Variants in ABCA1 observed in about 807,000 individuals in gnomAD.
The protein encoded by ABCA1 is ATP binding cassette subfamily A member 1.
A neutral mutation model predicts 262.5 loss-of-function variants in ABCA1; 133 were observed. The ratio of observed to expected loss-of-function variants is 0.51; its 90% CI spans 0.44 to 0.59. The LOEUF (loss-of-function observed/expected upper bound fraction) is 0.59, where lower values mean the gene tolerates loss of function less well. Among genes scored for constraint, ABCA1 ranks in the 20% least tolerant of loss-of-function variants. The pLI is 0.00. For synonymous variants in ABCA1, 1,022 were observed against 1,043.5 expected, an observed-to-expected ratio of 0.98 and a Z score of 0.40; for missense variants, 2,452 against 2,777.5, an observed-to-expected ratio of 0.88 and a Z score of 2.63.
rs905356914 is a variant in ABCA1, at chr9:104,792,862, T to C, written c.5681A>G (p.Asp1894Gly). The change falls in exon 42 of 50, where the codon GAT (aspartate) becomes GGT (glycine). Residue 1894 changes from aspartate (D) to glycine (G), a missense_variant. Asp to Gly is a moderately conservative substitution (Grantham distance 94). Transcript: ENST00000374736. ...AATTCTCTGTCTTTCCCGCCTCACA[T>C]CTTCATCTTCATCATTCAGAGGAGA... ...KLSPLNDEDEDVRRERQRILD... is the reference protein window; with the variant it reads ...KLSPLNDEDEGVRRERQRILD... 6.2e-7 allele frequency: 1 copy of C among 1,614,130 alleles called. No homozygotes were observed. The highest frequency in any genetic ancestry group is 1.7e-5 in the Admixed American group (1 of 60,022).
chr9:104,859,489 C>A (rs1236879795), intron 6 of ABCA1, among the ~76,000 whole-genome samples: 2 of 150,402 alleles, frequency 1.3e-5, no homozygotes, highest in African/African-American at 2.5e-5. Context: ...ATGAACAATG[C>A]AGACTCTTTA....
intron 5 of ABCA1, among the ~76,000 whole-genome samples, chr9:104,882,044 A>AAC (rs925124819): frequency 2.8e-5 from 4 of 144,050 alleles, no homozygotes; most frequent in African/African-American, 1.1e-4. Flanking sequence ...AAAAAAAAAA[A>AAC]AAAAAAAAAA....
intron 1 of ABCA1, among the ~76,000 whole-genome samples, chr9:104,919,017 TC>T (rs1841990243): frequency 6.6e-6 from 1 of 152,142 alleles, no homozygotes; most frequent in Non-Finnish European, 1.5e-5. Flanking sequence ...AGCAGCTCCT[TC>T]CCCCTCCCTG....
intron 8 of ABCA1, among the ~76,000 whole-genome samples, chr9:104,844,107 G>A (rs1406657916): frequency 6.6e-6 from 1 of 151,500 alleles, no homozygotes; most frequent in Non-Finnish European, 1.5e-5. Context: ...AGCCTCCCCT[G>A]TTACAGACCC....
At chr9:104,788,974 G>C (rs80017006) in intron 44 of ABCA1, among the ~76,000 whole-genome samples, 1 of 152,236 alleles carries the variant, frequency 6.6e-6, no homozygotes, top group South Asian at 2.1e-4. Context: ...GAAATTTTGA[G>C]TGTGAGCAAC....
intron 5 of ABCA1, among the ~76,000 whole-genome samples, chr9:104,862,649 C>CAGGGCA (rs1554729347): frequency 8.6e-5 from 1 of 11,694 alleles, no homozygotes; most frequent in Non-Finnish European, 1.8e-4. Flanking sequence ...CGGGCCGGGC[C>CAGGGCA]GGGCCGGGCC....
chr9:104,845,143 G>A (rs1834748871), intron 8 of ABCA1, among the ~76,000 whole-genome samples: 4 of 152,210 alleles, frequency 2.6e-5, no homozygotes, highest in Admixed American at 2.6e-4. Context: ...TTGCTGGTCA[G>A]ACAAAAGCAG....
chr9:104,860,783 GTC>G (rs1348068933), intron 6 of ABCA1, among the ~76,000 whole-genome samples: 2 of 140,382 alleles, frequency 1.4e-5, no homozygotes, highest in East Asian at 4.1e-4. Context: ...TTGAGATGGA[GTC>G]TCACTCTGTC....
chr9:104,898,660 C>T (rs1360805200), intron 2 of ABCA1, among the ~76,000 whole-genome samples: 1 of 152,048 alleles, frequency 6.6e-6, no homozygotes, highest in Non-Finnish European at 1.5e-5. Context: ...TGTCTACTAC[C>T]AACTCATCCC....
At chr9:104,815,641 C>T (rs1489975184) in intron 25 of ABCA1, among the ~76,000 whole-genome samples, 1 of 152,076 alleles carries the variant, frequency 6.6e-6, no homozygotes. Context: ...GCACCTGGCA[C>T]AAGTAGACTA....
At chr9:104,814,068 G>C (rs534826118) in intron 27 of ABCA1, 50 bp downstream of exon 27, 1 of 1,572,854 alleles carries the variant, frequency 6.4e-7, no homozygotes, top group African/African-American at 1.3e-5. Flanking sequence ...GCATGAGAGA[G>C]AATTTCACAT....
chr9:104,878,993 T>A (rs1838386844), intron 5 of ABCA1, among the ~76,000 whole-genome samples: 1 of 151,778 alleles, frequency 6.6e-6, no homozygotes, highest in Admixed American at 6.6e-5. Flanking sequence ...AAGAATCACT[T>A]GAACCCAGGA....
intron 13 of ABCA1, among the ~76,000 whole-genome samples, chr9:104,831,344 A>C (rs1200297893): frequency 7.3e-5 from 11 of 151,700 alleles, no homozygotes; most frequent in Non-Finnish European, 1.3e-4. Flanking sequence ...CAGCCTCCCG[A>C]GTAGCTGGGA....
rs1351512635 is a variant in ABCA1 at position 104,781,923 on chromosome 9, G to A, written c.*2392C>T. ...ATGTAAAAAATTACTATTTTAAAAG[G>A]TAACACAGTATTAATGAAGATGTAT... On this transcript the variant is annotated 3_prime_UTR_variant, in exon 50 of 50. Coordinates refer to ENST00000374736, the MANE Select transcript of ABCA1 (RefSeq NM_005502.4). 1 of 152,060 alleles carries A rather than the reference G, an allele frequency of 6.6e-6. No homozygotes were observed. The highest frequency in any genetic ancestry group is 1.5e-5 in the Non-Finnish European group (1 of 67,948). The allele number at this position is 152,060 out of a possible 1,614,324, so 9.4% of individuals were successfully genotyped here. A position where few individuals can be genotyped will look rare whatever the true frequency, so the allele number is the denominator to read the frequency against.
intron 37 of ABCA1, among the ~76,000 whole-genome samples, chr9:104,798,028 G>C (rs982805626): frequency 2.0e-5 from 3 of 152,180 alleles, no homozygotes; most frequent in African/African-American, 7.2e-5. Context: ...AATGTACAGA[G>C]TTTTCAAATG....
chr9:104,815,822 A>C (rs3780541), intron 25 of ABCA1, among the ~76,000 whole-genome samples: 9,156 of 152,236 alleles, frequency 0.06, 412 homozygotes, highest in East Asian at 0.24. Context: ...GCTGTTCCTC[A>C]CACTGTACTT....
intron 5 of ABCA1, 149 bp from the exon 6 acceptor site, chr9:104,861,949 C>T: frequency 1.4e-6 from 1 of 733,836 alleles, no homozygotes; most frequent in African/African-American, 1.8e-5. Flanking sequence ...GATAGGGGAG[C>T]ATCGCCATAT....
At chr9:104,836,864 T>C (rs968707356) in intron 11 of ABCA1, 116 bp downstream of exon 11, 3 of 841,222 alleles carry the variant, frequency 3.6e-6, no homozygotes, top group Non-Finnish European at 6.1e-6. Flanking sequence ...CTCACTACAT[T>C]CCCCCAGCTA....
chr9:104,831,582 C>T (rs1294399125), intron 13 of ABCA1, 40 bp downstream of exon 13: 1 of 1,555,510 alleles, frequency 6.4e-7, no homozygotes, highest in Non-Finnish European at 8.8e-7. Flanking sequence ...GTGCTCTGGA[C>T]CTCCCCAAGA....
Sources: allele counts gnomAD v4.1 joint callset (sites outside exome capture counted in the v4.1 genomes callset), GRCh38; gene constraint gnomAD v4.1.1; transcripts MANE v1.5; gene names NCBI Gene and HGNC (gene_info 2026-07-23, HGNC 2026-07-21).